CYB5RL: variants seen among roughly 807,000 people sequenced by gnomAD.
CYB5RL encodes NADH-cytochrome b5 reductase-like.
CYB5RL carries 38 observed loss-of-function variants against 37.5 expected under a neutral mutation model. The observed-to-expected ratio is 1.01, with a 90% CI of 0.78 to 1.33. The LOEUF (loss-of-function observed/expected upper bound fraction) is 1.33, where lower values mean the gene tolerates loss of function less well. Ranked by LOEUF, CYB5RL falls within the 40% of genes most tolerant of loss-of-function variation. CYB5RL has a pLI of 0.00. For missense variants in CYB5RL, 388 were observed against 394.4 expected (o/e 0.98, Z 0.14); for synonymous variants, 141 against 151.9 (o/e 0.93, Z 0.53).
chr1:54,199,788 G>A (rs1161599472), intron 1 of CYB5RL, among the ~76,000 whole-genome samples, 188 bp downstream of exon 1: 4 of 152,212 alleles, frequency 2.6e-5, no homozygotes, highest in African/African-American at 7.2e-5. Context: ...AGCGACAGAG[G>A]CGCTCGCAGC....
At chr1:54,187,259 C>T (rs1463050841) in intron 5 of CYB5RL, among the ~76,000 whole-genome samples, 1 of 152,142 alleles carries the variant, frequency 6.6e-6, no homozygotes, top group African/African-American at 2.4e-5. Context: ...GGTATAGTTC[C>T]TAGAAGACTT....
intron 6 of CYB5RL, among the ~76,000 whole-genome samples, chr1:54,180,469 T>G (rs1188383114): frequency 6.6e-6 from 1 of 151,612 alleles, no homozygotes; most frequent in Non-Finnish European, 1.5e-5. Flanking sequence ...CCAGGCATGG[T>G]GGGGTGCGCC....
chr1:54,179,396 T>A, intron 6 of CYB5RL, 44 bp from the exon 7 acceptor site: 1 of 1,567,184 alleles, frequency 6.4e-7, no homozygotes, highest in Non-Finnish European at 8.7e-7. Context: ...GTTGGGAGAG[T>A]CTCACCTTAT....
In CYB5RL at chr1:54,170,373, G is replaced by C. The variant is rs1018069475; in HGVS notation, c.*4246C>G. On this transcript the variant is annotated 3_prime_UTR_variant, in exon 8 of 8. Transcript: ENST00000534324. ...CCACCTCAGCCTCCCAAAGTGTTGG[G>C]ATTACAGGCATGAGCCACCGCACCT... 6.6e-6 allele frequency: 1 copy of C among 151,704 alleles called. No individual in the cohort carries two copies. Among genetic ancestry groups the C allele is most frequent in the Non-Finnish European group, 1.5e-5 (1 of 68,078 alleles). 9.4% of individuals were successfully genotyped at this position (151,704 alleles called of 1,614,324 possible).
chr1:54,192,810 C>T (rs996682497), intron 3 of CYB5RL, among the ~76,000 whole-genome samples: 9 of 151,716 alleles, frequency 5.9e-5, no homozygotes, highest in Admixed American at 4.6e-4. Flanking sequence ...GGCTGAAGTG[C>T]AGTGGTACAA....
chr1:54,179,033 G>T, intron 7 of CYB5RL, 116 bp downstream of exon 7: 1 of 1,221,466 alleles, frequency 8.2e-7, no homozygotes, highest in Non-Finnish European at 1.2e-6. Context: ...TCCACCAGTG[G>T]CAGGGATTAT....
chr1:54,180,799 G>A (rs1570103001), intron 6 of CYB5RL, among the ~76,000 whole-genome samples: 2 of 152,012 alleles, frequency 1.3e-5, no homozygotes, highest in South Asian at 2.1e-4. Context: ...AAAAAGAAAC[G>A]CACTTCCCCA....
At chr1:54,185,653 G>A (rs1341897190) in intron 5 of CYB5RL, 1 of 152,216 alleles carries the variant, frequency 6.6e-6, no homozygotes, top group African/African-American at 2.4e-5. Context: ...GGAAAGGTGA[G>A]GTTTTTCTCC....
chr1:54,188,846 C>A (rs751033159), intron 4 of CYB5RL, among the ~76,000 whole-genome samples: 9 of 152,206 alleles, frequency 5.9e-5, no homozygotes, highest in Non-Finnish European at 1.0e-4. Context: ...AAGGCCCTGT[C>A]TCAATGCACC....
chr1:54,178,614 G>A (rs1442434529), intron 7 of CYB5RL, among the ~76,000 whole-genome samples: 3 of 152,206 alleles, frequency 2.0e-5, no homozygotes, highest in African/African-American at 7.2e-5. Context: ...ACAGGCTGAG[G>A]TGGGAGGATA....
chr1:54,197,549 T>G (rs1371609385), intron 1 of CYB5RL, among the ~76,000 whole-genome samples: 1 of 152,126 alleles, frequency 6.6e-6, no homozygotes, highest in East Asian at 1.9e-4. Context: ...AGGGCATCTA[T>G]GCATGTTCAC....
intron 2 of CYB5RL, among the ~76,000 whole-genome samples, 153 bp downstream of exon 2, chr1:54,196,216 C>G (rs902845419): frequency 6.6e-6 from 1 of 152,176 alleles, no homozygotes; most frequent in Non-Finnish European, 1.5e-5. Context: ...GAGATGAGGT[C>G]TCACTCTGTT....
At position 54,170,470 on chromosome 1, in the gene CYB5RL, A is replaced by C. The variant is rs1313407831; in HGVS notation, c.*4149T>G. ...CGCTCTGTCGCCCAGGCTGGAGCGCAGTGGCACAATCTTGGCTCCCTGCAA... is the reference window on the plus strand; with the variant it reads ...CGCTCTGTCGCCCAGGCTGGAGCGCCGTGGCACAATCTTGGCTCCCTGCAA... On this transcript the variant is annotated 3_prime_UTR_variant, in exon 8 of 8. Transcript: ENST00000534324. 6.6e-6 allele frequency: 1 copy of C among 152,366 alleles called. No homozygotes were observed. Among genetic ancestry groups the C allele is most frequent in the Non-Finnish European group, 1.5e-5 (1 of 68,372 alleles). 9.4% of individuals were successfully genotyped at this position (152,366 alleles called of 1,614,324 possible). A position where few individuals can be genotyped will look rare whatever the true frequency, so the allele number is the denominator to read the frequency against.
rs1570094508 is a variant in CYB5RL at position 54,174,432 on chromosome 1, G to C, written c.*187C>G. On this transcript the variant is annotated 3_prime_UTR_variant, in exon 8 of 8. Transcript: ENST00000534324. ...CCTTCTACATAGTAGGAGGCCAGGA[G>C]GAGTGATTAACCTCATGGGGCAGAT... The C allele has an allele frequency of 1.5e-6, 1 of 658,600 alleles. No homozygotes were observed. Among genetic ancestry groups the C allele is most frequent in the Non-Finnish European group, 2.6e-6 (1 of 386,206 alleles). The allele number at this position is 658,600 out of a possible 1,614,324, so 40.8% of individuals were successfully genotyped here. A position where few individuals can be genotyped will look rare whatever the true frequency, so the allele number is the denominator to read the frequency against.
rs150072306 is a variant in CYB5RL at position 54,191,205 on chromosome 1, C to G, written c.199-309G>C. 7.4e-4 allele frequency among the ~76,000 whole-genome samples: 112 copies of G among 152,290 alleles called. 1 individual carries two copies. The East Asian group carries it at 0.017, about 23-fold the overall frequency. On this transcript the variant is annotated intron_variant, in intron 3 of 7. Coordinates refer to ENST00000534324, the MANE Select transcript of CYB5RL (RefSeq NM_001031672.4). ...GACCCTCATGCCTCATTTTATCTCC[C>G]AGGCATCTAATGCCAGACTTTTCTT...
intron 1 of CYB5RL, among the ~76,000 whole-genome samples, chr1:54,199,337 AAC>A (rs1644052340): frequency 6.6e-6 from 1 of 152,240 alleles, no homozygotes; most frequent in African/African-American, 2.4e-5. Context: ...TAGGGTGAGA[AAC>A]AGTTATTAAG....
At chr1:54,182,117 T>C (rs949615594) in intron 6 of CYB5RL, among the ~76,000 whole-genome samples, 4 of 152,368 alleles carry the variant, frequency 2.6e-5, no homozygotes, top group African/African-American at 9.6e-5. Flanking sequence ...TTCCATTCCC[T>C]GCTCTCAAGC....
At chr1:54,178,306 C>T (rs1000400768) in intron 7 of CYB5RL, among the ~76,000 whole-genome samples, 1 of 152,120 alleles carries the variant, frequency 6.6e-6, no homozygotes, top group Non-Finnish European at 1.5e-5. Flanking sequence ...GAATGGTACC[C>T]CACAGCACCG....
rs1659938267 is a variant in CYB5RL at position 54,173,342 on chromosome 1, T to TTCA, written c.*1276_*1277insTGA. 6.6e-6 allele frequency: 1 copy of TTCA among 152,320 alleles called. No individual in the cohort carries two copies. The highest frequency in any genetic ancestry group is 2.1e-4 in the South Asian group (1 of 4,830). The allele number at this position is 152,320 out of a possible 1,614,324, so 9.4% of individuals were successfully genotyped here. A position where few individuals can be genotyped will look rare whatever the true frequency, so the allele number is the denominator to read the frequency against. On this transcript the variant is annotated 3_prime_UTR_variant, in exon 8 of 8. Transcript: ENST00000534324. ...GGTTGAAGGGGGTACTGGGGATCCA[T>TTCA]CTGGAGCTGTCCTTTCACTGCTGCT...
Sources: gnomAD v4.1 joint callset for allele counts (sites outside exome capture counted in the v4.1 genomes callset) on GRCh38, gnomAD v4.1.1 for gene constraint, MANE v1.5 for transcripts, NCBI Gene and HGNC (gene_info 2026-07-23, HGNC 2026-07-21) for gene names.